The following RYR1 variants were observed in gnomAD, a reference collection of about 807,000 sequenced individuals.
RYR1 encodes the protein central core disease of muscle.
RYR1 carries 342 observed loss-of-function variants against 583.5 expected under a neutral mutation model. The ratio of observed to expected loss-of-function variants is 0.59; its 90% CI spans 0.54 to 0.64. The LOEUF (loss-of-function observed/expected upper bound fraction) is 0.64, where lower values mean the gene tolerates loss of function less well. RYR1 is among the 30% of genes least tolerant of loss of function. The pLI, the probability that RYR1 is intolerant of heterozygous loss-of-function variation, is 0.00. For synonymous variants in RYR1, 2,791 were observed against 2,822.5 expected (o/e 0.99, Z 0.35); for missense variants, 6,032 against 6,917.2 (o/e 0.87, Z 4.54).
chr19:38,519,734 A>G (rs1415035775), intron 67 of RYR1, among the ~76,000 whole-genome samples: 2 of 150,374 alleles, frequency 1.3e-5, no homozygotes, highest in African/African-American at 4.9e-5. Context: ...GCTGGAATGC[A>G]GTGGCGCGAT....
chr19:38,448,320 G>C, intron 9 of RYR1, 35 bp from the exon 10 acceptor site: 1 of 1,597,442 alleles, frequency 6.3e-7, no homozygotes, highest in Non-Finnish European at 8.5e-7. Context: ...GAACTGGGGG[G>C]TCCTCTGACT....
chr19:38,470,162 A>G (rs913266585), intron 27 of RYR1, among the ~76,000 whole-genome samples: 4 of 149,636 alleles, frequency 2.7e-5, no homozygotes, highest in African/African-American at 9.9e-5. Context: ...GCGAAACTCC[A>G]TCTCAAAAAA....
At chr19:38,514,687 AG>A (rs763474202) in intron 63 of RYR1, among the ~76,000 whole-genome samples, 30 of 152,270 alleles carry the variant, frequency 2.0e-4, no homozygotes, top group Middle Eastern at 6.8e-3. Context: ...CTTTCATTAT[AG>A]AGGGCCATGA....
At chr19:38,524,076 T>G in intron 70 of RYR1, 147 bp downstream of exon 70, 1 of 738,972 alleles carries the variant, frequency 1.4e-6, no homozygotes, top group Non-Finnish European at 2.2e-6. Context: ...CTCCTTCCCT[T>G]CCCTTCCCTC....
rs780325041 is a variant in RYR1 at position 38,448,825 on chromosome 19, C to G, written c.1122+12C>G. Reference sequence around the variant, plus strand: ...TGCTCAAGAAGAAGGTGGGTGTAATCCCAGCTACTCAGGAGGCTGAGGTGG... The same window carrying G: ...TGCTCAAGAAGAAGGTGGGTGTAATGCCAGCTACTCAGGAGGCTGAGGTGG... On this transcript the variant is annotated intron_variant, in intron 11 of 105. Transcript: ENST00000359596. 3.1e-6 allele frequency: 5 copies of G among 1,612,434 alleles called. No individual in the cohort carries two copies. The highest frequency in any genetic ancestry group is 4.2e-6 in the Non-Finnish European group (5 of 1,179,498).
rs186983396 is a variant in RYR1, at chr19:38,442,434, C to T, written c.251C>T (p.Thr84Met). 7.5e-5 allele frequency: 121 copies of T among 1,613,138 alleles called. No individual in the cohort carries two copies. The East Asian group carries it at 2.1e-3, about 28-fold the overall frequency. The change falls in exon 3 of 106, where the codon ACG becomes ATG. Residue 84 changes from threonine to methionine, a missense_variant. Physicochemically the swap from Thr to Met is moderately conservative, Grantham distance 81 (BLOSUM62 -1). Coordinates refer to ENST00000359596, the MANE Select transcript of RYR1 (RefSeq NM_000540.3). ...GCCCTGCAGGAGATGCTGGCTAACA[C>T]GGTGGAGGCTGGCGTGGAGGTGAGG... ...VRALQEMLANTVEAGVESSQG... is the reference protein window; with the variant it reads ...VRALQEMLANMVEAGVESSQG...
intron 27 of RYR1, among the ~76,000 whole-genome samples, chr19:38,472,599 T>A (rs1968481493): frequency 6.6e-6 from 1 of 151,336 alleles, no homozygotes; most frequent in South Asian, 2.1e-4. Context: ...GAAACTTGGC[T>A]GGGGGTGGTG....
At chr19:38,564,884 G>C in intron 90 of RYR1, 75 bp from the exon 91 acceptor site, 2 of 1,532,718 alleles carry the variant, frequency 1.3e-6, no homozygotes, top group Non-Finnish European at 1.8e-6. Context: ...ACCCCTTGTA[G>C]CTGCCACTGC....
intron 24 of RYR1, 81 bp downstream of exon 24, chr19:38,466,479 T>C: frequency 4.2e-6 from 4 of 961,590 alleles, no homozygotes; most frequent in Non-Finnish European, 6.3e-6. Context: ...CTGACCTGAC[T>C]CAGCCCCCAA....
In RYR1 at chr19:38,506,561, G is replaced by A. The variant is rs1219182533; in HGVS notation, c.8692+15G>A. The A allele has an allele frequency of 1.9e-6, 3 of 1,613,548 alleles. No individual in the cohort carries two copies. The highest frequency in any genetic ancestry group is 1.3e-5 in the African/African-American group (1 of 74,900). ...GGAAGCCAAAGGTGAGGGCGCCCATGCCGCCCCCACGCTACCCCCGTGGAT... is the reference window on the plus strand; with the variant it reads ...GGAAGCCAAAGGTGAGGGCGCCCATACCGCCCCCACGCTACCCCCGTGGAT... On this transcript the variant is annotated intron_variant, in intron 56 of 105. Transcript: ENST00000359596.
At chr19:38,445,640 C>T (rs1270214096) in intron 7 of RYR1, among the ~76,000 whole-genome samples, 1 of 152,160 alleles carries the variant, frequency 6.6e-6, no homozygotes, top group African/African-American at 2.4e-5. Context: ...GACTTCCAAA[C>T]CCTAGATTGT....
Position 38,580,363 on chromosome 19 carries a change from C to T in RYR1, c.14512-7C>T. 6.2e-7 allele frequency: 1 copy of T among 1,613,808 alleles called. No individual in the cohort carries two copies. Among genetic ancestry groups the T allele is most frequent in the Non-Finnish European group, 8.5e-7 (1 of 1,179,954 alleles). On this transcript the variant is annotated splice_polypyrimidine_tract_variant and splice_region_variant and intron_variant, in intron 100 of 105. Transcript: ENST00000359596. ...GCGGAGCTGACCTGGCCCCATCCTG[C>T]CCCCAGCTGGTGATGACCGTGGGCC... is the stretch of plus-strand genomic sequence containing the variant.
rs1440303849 is a variant in RYR1 at position 38,515,148 on chromosome 19, G to A, written c.9554+41G>A. Reference sequence around the variant, plus strand: ...CATCGTTTGGGGCTGGGTGGGGCTGGAGGGGAAGGGAGGGAGCAGGGGAAG... The same window carrying A: ...CATCGTTTGGGGCTGGGTGGGGCTGAAGGGGAAGGGAGGGAGCAGGGGAAG... On this transcript the variant is annotated intron_variant, in intron 64 of 105. Transcript: ENST00000359596. The A allele has an allele frequency of 2.5e-6, 3 of 1,181,600 alleles. No homozygotes were observed. In the Admixed American group the frequency reaches 5.1e-5, roughly 20 times the overall value. 73.2% of individuals were successfully genotyped at this position (1,181,600 alleles called of 1,614,324 possible).
At chr19:38,460,000 A>G (rs1329260851) in intron 19 of RYR1, among the ~76,000 whole-genome samples, 1 of 152,088 alleles carries the variant, frequency 6.6e-6, no homozygotes, top group Non-Finnish European at 1.5e-5. Flanking sequence ...CATAATTGTA[A>G]CAGATGCTCA....
chr19:38,507,280 A>G (rs1970508068), intron 57 of RYR1, among the ~76,000 whole-genome samples: 1 of 143,402 alleles, frequency 7.0e-6, no homozygotes, highest in Non-Finnish European at 1.5e-5. Context: ...GGGACCAAAG[A>G]GGAGAGAAGG....
At chr19:38,538,743 A>G (rs1384567780) in intron 84 of RYR1, 1 of 152,242 alleles carries the variant, frequency 6.6e-6, no homozygotes, top group East Asian at 1.9e-4. Flanking sequence ...ATTCTTTCCT[A>G]TCTTAAGCAA....
intron 103 of RYR1, 40 bp downstream of exon 103, chr19:38,586,042 T>C: frequency 6.2e-7 from 1 of 1,613,902 alleles, no homozygotes. Flanking sequence ...GATTACGGGA[T>C]TCAGGGGGTC....
intron 84 of RYR1, among the ~76,000 whole-genome samples, chr19:38,541,330 C>T (rs1972179766): frequency 6.6e-6 from 1 of 152,160 alleles, no homozygotes; most frequent in Non-Finnish European, 1.5e-5. Context: ...GAACAGAATG[C>T]ATGGCACAGA....
intron 23 of RYR1, among the ~76,000 whole-genome samples, chr19:38,465,440 C>A (rs1048418936): frequency 1.3e-5 from 2 of 151,994 alleles, no homozygotes; most frequent in African/African-American, 4.8e-5. Flanking sequence ...CGCACTCCAG[C>A]CTGGGTGACA....
Sources: gnomAD v4.1 joint callset for allele counts (sites outside exome capture counted in the v4.1 genomes callset) on GRCh38, gnomAD v4.1.1 for gene constraint, MANE v1.5 for transcripts, NCBI Gene and HGNC (gene_info 2026-07-23, HGNC 2026-07-21) for gene names.